The following HAUS6 variants were observed in gnomAD, a reference collection of about 807,000 sequenced individuals.
HAUS6 encodes the protein HAUS augmin-like complex subunit 6.
A neutral mutation model predicts 106.8 loss-of-function variants in HAUS6; 80 were observed. That is an observed-to-expected ratio of 0.75 (90% CI 0.63 to 0.90). The LOEUF (loss-of-function observed/expected upper bound fraction) is 0.90. Ranked by LOEUF, HAUS6 falls within the 40% of genes least tolerant of loss-of-function variation. HAUS6 has a pLI of 0.00. For missense variants in HAUS6, 1,155 were observed against 1,118.1 expected (o/e 1.03, Z -0.47); for synonymous variants, 356 against 379.1 (o/e 0.94, Z 0.71).
At chr9:19,063,681 T>A in intron 12 of HAUS6, 101 bp from the exon 13 acceptor site, 1 of 855,008 alleles carries the variant, frequency 1.2e-6, no homozygotes, top group Non-Finnish European at 2.0e-6. Context: ...ATCTGTCCGT[T>A]ACGATTTCAC....
chr9:19,059,912 G>T, intron 15 of HAUS6, 176 bp downstream of exon 15: 1 of 489,178 alleles, frequency 2.0e-6, no homozygotes, highest in Non-Finnish European at 3.7e-6. Context: ...GTACACTGAA[G>T]GCACAAAATA....
At chr9:19,062,876 T>A (rs72696453) in intron 14 of HAUS6, 132 bp downstream of exon 14, 29,279 of 710,948 alleles carry the variant, frequency 0.041, 705 homozygotes, top group Non-Finnish European at 0.051. Context: ...ATGTTGCCCA[T>A]GCTGGTCTCG....
chr9:19,089,419 T>G lies in HAUS6; in HGVS notation c.577A>C (p.Asn193His). The G allele has an allele frequency of 6.2e-7, 1 of 1,604,470 alleles. No homozygotes were observed. Among genetic ancestry groups the G allele is most frequent in the Non-Finnish European group, 8.5e-7 (1 of 1,171,286 alleles). Residue 193 changes from asparagine (N) to histidine (H), a missense_variant, in exon 5 of 17, where the codon AAT (asparagine) becomes CAT (histidine). Transcript: ENST00000380502. ...QDCVTQKYQE[N>H]AQLSVKQVRN... ...TATCAAGGTACTACTTACTGTGCAT[T>G]TTCCTGATATTTTTGGGTAACACAA...
chr9:19,090,507 G>A (rs376270551), intron 4 of HAUS6, among the ~76,000 whole-genome samples: 2 of 152,142 alleles, frequency 1.3e-5, no homozygotes, highest in African/African-American at 4.8e-5. Flanking sequence ...TGGGACTACA[G>A]GTGCCCGCCA....
chr9:19,059,979 A>G lies in HAUS6; in HGVS notation c.1765+109T>C, dbSNP rs966536673. 3 of 790,584 alleles carry G rather than the reference A, an allele frequency of 3.8e-6. No individual in the cohort carries two copies. The African/African-American group carries it at 5.2e-5, about 14-fold the overall frequency. The allele number at this position is 790,584 out of a possible 1,614,324, so 49.0% of individuals were successfully genotyped here. The stretch of plus-strand genomic sequence containing the variant: ...CACTTAGTACGTCGATTACAACAGC[A>G]TAAATAAACAGCCTTTGGCAACTCA... On this transcript the variant is annotated intron_variant, in intron 15 of 16. Coordinates refer to ENST00000380502, the MANE Select transcript of HAUS6 (RefSeq NM_017645.5).
chr9:19,102,647 C>T lies in HAUS6; in HGVS notation c.5G>A (p.Ser2Asn). Residue 2 changes from serine (S) to asparagine (N), a missense_variant, in exon 1 of 17, where the codon AGC (serine) becomes AAC (asparagine). Coordinates refer to ENST00000380502, the MANE Select transcript of HAUS6 (RefSeq NM_017645.5). ...CTCGAAAGCGGTGACCGAGGCCGAG[C>T]TCATCCTCGCGGTAGGCACGGTGGC... M[S>N]SASVTAFEKE... 1.9e-6 allele frequency: 3 copies of T among 1,611,752 alleles called. No homozygotes were observed. The highest frequency in any genetic ancestry group is 1.8e-4 in the Middle Eastern group (1 of 5,710).
Position 19,055,505 on chromosome 9 carries a change from C to T in HAUS6, c.*838G>A, listed in dbSNP as rs1193966639. 1 of 151,910 alleles carries T rather than the reference C, an allele frequency of 6.6e-6. No individual in the cohort carries two copies. The highest frequency in any genetic ancestry group is 6.6e-5 in the Admixed American group (1 of 15,246). 9.4% of individuals were successfully genotyped at this position (151,910 alleles called of 1,614,324 possible). On this transcript the variant is annotated 3_prime_UTR_variant, in exon 17 of 17. Coordinates refer to ENST00000380502, the MANE Select transcript of HAUS6 (RefSeq NM_017645.5). ...TGTTCCTTTCCCCCAACAGGGAGTACCTCACAAAAAAACCCAACAACAAAA... is the reference window on the plus strand; with the variant it reads ...TGTTCCTTTCCCCCAACAGGGAGTATCTCACAAAAAAACCCAACAACAAAA...
chr9:19,056,894 C>G (rs1836485371), intron 16 of HAUS6: 1 of 155,040 alleles, frequency 6.4e-6, no homozygotes, highest in Non-Finnish European at 1.4e-5. Flanking sequence ...AGCCACTGTG[C>G]CCAGCCAAAT....
At chr9:19,100,720 T>C (rs927885824) in intron 1 of HAUS6, among the ~76,000 whole-genome samples, 1 of 152,144 alleles carries the variant, frequency 6.6e-6, no homozygotes, top group Non-Finnish European at 1.5e-5. Context: ...GATAAAGAAA[T>C]TGTGGTATAT....
intron 1 of HAUS6, among the ~76,000 whole-genome samples, chr9:19,099,999 CCTGG>C (rs1429642955): frequency 6.6e-6 from 1 of 152,162 alleles, no homozygotes; most frequent in African/African-American, 2.4e-5. Context: ...TAAGATTCCG[CCTGG>C]CTAAGATGGA....
intron 11 of HAUS6, among the ~76,000 whole-genome samples, chr9:19,073,605 AAC>A (rs1374858777): frequency 2.0e-5 from 3 of 151,814 alleles, no homozygotes; most frequent in African/African-American, 7.2e-5. Flanking sequence ...ATGAAAACAC[AAC>A]ACAACCCTAA....
intron 5 of HAUS6, 135 bp from the exon 6 acceptor site, chr9:19,087,291 A>G (rs1837321127): frequency 1.6e-6 from 1 of 634,814 alleles, no homozygotes; most frequent in Non-Finnish European, 2.8e-6. Context: ...AGGACTCTAG[A>G]CTCTCTTTAT....
Position 19,078,171 on chromosome 9 carries a change from C to G in HAUS6, c.1191+5G>C, listed in dbSNP as rs769358219. 1 of 1,595,952 alleles carries G rather than the reference C, an allele frequency of 6.3e-7. No homozygotes were observed. Among genetic ancestry groups the G allele is most frequent in the Admixed American group, 1.7e-5 (1 of 58,848 alleles). ...GGAGGGCAGGGGCAAGTCAACATTA[C>G]TTACTGGAGTCCAACCTTTAATTAG... On this transcript the variant is annotated splice_donor_5th_base_variant and intron_variant, in intron 10 of 16. Coordinates refer to ENST00000380502, the MANE Select transcript of HAUS6 (RefSeq NM_017645.5).
intron 16 of HAUS6, 25 bp from the exon 17 acceptor site, chr9:19,056,429 T>G (rs377100314): frequency 7.9e-7 from 1 of 1,259,342 alleles, no homozygotes; most frequent in African/African-American, 1.5e-5. Context: ...TAAAAAAGTA[T>G]AAGCAAACAT....
At chr9:19,083,349 C>G (rs1382599113) in intron 7 of HAUS6, among the ~76,000 whole-genome samples, 1 of 152,080 alleles carries the variant, frequency 6.6e-6, no homozygotes, top group African/African-American at 2.4e-5. Context: ...CTCAAGCAAT[C>G]TTCCCACATC....
chr9:19,072,169 A>C (rs1836894059), intron 11 of HAUS6, among the ~76,000 whole-genome samples: 1 of 150,258 alleles, frequency 6.7e-6, no homozygotes, highest in Non-Finnish European at 1.5e-5. Flanking sequence ...CAGCCTGGGC[A>C]ACAACAGTGA....
intron 4 of HAUS6, 65 bp from the exon 5 acceptor site, chr9:19,089,624 T>C: frequency 2.5e-6 from 3 of 1,186,134 alleles, no homozygotes; most frequent in Middle Eastern, 2.3e-4. Flanking sequence ...TTATCAGAAA[T>C]GAACATTAGT....
chr9:19,096,739 G>T lies in HAUS6; in HGVS notation c.159C>A (p.Ala53=). ...ACAAAAAATAAGAAATTATATGAAA[G>T]GCATCACGGTTCAGCTTGTCAAACA... The part of the protein sequence containing the change: ...VNMFDKLNRD[A]FHIISYFLFQ... The change falls in exon 2 of 17, where the codon GCC becomes GCA. Residue 53 remains alanine, a synonymous_variant. Transcript: ENST00000380502. The T allele has an allele frequency of 6.4e-7, 1 of 1,562,966 alleles. No individual in the cohort carries two copies. Among genetic ancestry groups the T allele is most frequent in the Non-Finnish European group, 8.7e-7 (1 of 1,149,696 alleles).
Position 19,089,520 on chromosome 9 carries a change from G to A in HAUS6, c.476C>T (p.Pro159Leu), listed in dbSNP as rs749638721. The A allele has an allele frequency of 1.9e-6, 3 of 1,610,274 alleles. No homozygotes were observed. The highest frequency in any genetic ancestry group is 2.2e-5 in the East Asian group (1 of 44,840). ...HHFVETFNIK[P>L]QDLHKCIARC... The stretch of plus-strand genomic sequence containing the variant: ...GGCAATGCATTTGTGCAAGTCCTGT[G>A]GTTTTATGTTAAATGTCTCTACAAA... The change falls in exon 5 of 17, where the codon CCA (proline) becomes CTA (leucine). Residue 159 changes from proline to leucine, a missense_variant. Pro to Leu is a moderately conservative substitution (Grantham distance 98). Coordinates refer to ENST00000380502, the MANE Select transcript of HAUS6 (RefSeq NM_017645.5).
Sources: gnomAD v4.1 joint callset for allele counts (sites outside exome capture counted in the v4.1 genomes callset) on GRCh38, gnomAD v4.1.1 for gene constraint, MANE v1.5 for transcripts, NCBI Gene and HGNC (gene_info 2026-07-23, HGNC 2026-07-21) for gene names.